Variants in GLIS3 observed in about 807,000 individuals in gnomAD.
The protein encoded by GLIS3 is zinc finger protein GLIS3.
Under a neutral mutation model 78.6 loss-of-function variants are expected in GLIS3, and 53 were observed. The ratio of observed to expected loss-of-function variants is 0.67; its 90% CI spans 0.54 to 0.85. GLIS3 has a LOEUF of 0.85. Ranked by LOEUF, GLIS3 falls within the 40% of genes least tolerant of loss-of-function variation. GLIS3 has a pLI of 0.00. For synonymous variants in GLIS3, 684 were observed against 509.9 expected, an observed-to-expected ratio of 1.34 and a Z score of -4.60; for missense variants, 1,703 against 1,231.1, an observed-to-expected ratio of 1.38 and a Z score of -5.74.
At chr9:3,968,622 G>A (rs961193170) in intron 4 of GLIS3, among the ~76,000 whole-genome samples, 1 of 151,768 alleles carries the variant, frequency 6.6e-6, no homozygotes, top group African/African-American at 2.4e-5. Flanking sequence ...CCTTTATAAT[G>A]TTATTCTTGC....
At chr9:4,353,232 C>T (rs1297852708), upstream of GLIS3, among the ~76,000 whole-genome samples, 5 of 152,198 alleles carry the variant, frequency 3.3e-5, no homozygotes, top group Non-Finnish European at 7.3e-5. Context: ...CTGTACCCTA[C>T]CAGCCAGGCA....
chr9:4,360,877 G>C, the GLIS3 span, among the ~76,000 whole-genome samples: 2 of 152,176 alleles, frequency 1.3e-5, no homozygotes, highest in African/African-American at 2.4e-5. Flanking sequence ...GGAGGAGCTG[G>C]CTGCTCAGGG....
At chr9:4,354,391 C>G in the GLIS3 span, among the ~76,000 whole-genome samples, 1 of 152,076 alleles carries the variant, frequency 6.6e-6, no homozygotes, top group Non-Finnish European at 1.5e-5. Context: ...GCATGGGGTC[C>G]CTAGCCAGAG....
the GLIS3 span, among the ~76,000 whole-genome samples, chr9:4,475,095 G>A: frequency 4.7e-5 from 7 of 149,806 alleles, no homozygotes; most frequent in African/African-American, 1.5e-4. Context: ...CTGGGTTCAG[G>A]TGATTCCCCT....
chr9:4,139,429 G>A (rs1022074530), intron 2 of GLIS3, among the ~76,000 whole-genome samples: 3 of 152,224 alleles, frequency 2.0e-5, no homozygotes, highest in African/African-American at 7.2e-5. Flanking sequence ...ATGTGTGTAA[G>A]TCATGATGCT....
In GLIS3 at chr9:3,977,919, T is replaced by G. The variant is rs1818921346; in HGVS notation, c.1711-40730A>C. 6.6e-6 allele frequency among the ~76,000 whole-genome samples: 1 copy of G among 152,218 alleles called. No individual in the cohort carries two copies. The highest frequency in any genetic ancestry group is 1.5e-5 in the Non-Finnish European group (1 of 68,040). On this transcript the variant is annotated intron_variant, in intron 4 of 10. Coordinates refer to ENST00000381971, the MANE Select transcript of GLIS3 (RefSeq NM_001042413.2). The surrounding 1 kb of genome is among the most constrained non-coding windows in gnomAD (Gnocchi z 4.1). ...ATGAAATGCTGCTAACTTTTATTTG[T>G]GAGTGTGAAATGGTAATATTTCATG...
chr9:4,000,341 GA>G (rs955145131), intron 4 of GLIS3, among the ~76,000 whole-genome samples: 23 of 152,150 alleles, frequency 1.5e-4, no homozygotes, highest in African/African-American at 5.1e-4. Flanking sequence ...GGAAAAGCAA[GA>G]AAATTCTTAA....
At chr9:3,902,536 T>TAAAGA (rs1419346007) in intron 6 of GLIS3, among the ~76,000 whole-genome samples, 1 of 152,206 alleles carries the variant, frequency 6.6e-6, no homozygotes, top group South Asian at 2.1e-4. Flanking sequence ...CAGGAATAGT[T>TAAAGA]AAAGAAGATA....
intron 9 of GLIS3, among the ~76,000 whole-genome samples, chr9:3,831,958 T>A (rs1650814074): frequency 6.7e-6 from 1 of 149,814 alleles, no homozygotes; most frequent in African/African-American, 2.4e-5. Flanking sequence ...CTTTGGGTAT[T>A]TTTTTTTTGC....
the GLIS3 span, among the ~76,000 whole-genome samples, chr9:4,430,227 T>C: frequency 2.6e-5 from 4 of 152,246 alleles, no homozygotes; most frequent in African/African-American, 9.6e-5. Context: ...TGTCTAATTC[T>C]AGCTCCAACT....
chr9:4,338,740 G>A (rs941083231), intron 2 of GLIS3, among the ~76,000 whole-genome samples: 1 of 152,176 alleles, frequency 6.6e-6, no homozygotes, highest in Admixed American at 6.5e-5. Flanking sequence ...AGAAGGAGCT[G>A]CAAGTAGAAA....
intron 4 of GLIS3, among the ~76,000 whole-genome samples, chr9:4,080,754 AG>A (rs2130696801): frequency 1.3e-5 from 2 of 152,290 alleles, no homozygotes; most frequent in South Asian, 4.2e-4. Context: ...AGAGAAGTCT[AG>A]GGGCATTAAA....
At chr9:4,123,655 G>GA (rs1832353290) in intron 3 of GLIS3, 1 of 388,674 alleles carries the variant, frequency 2.6e-6, no homozygotes, top group Non-Finnish European at 4.5e-6. Context: ...ATATTAACTG[G>GA]AAAAAAGTAA....
At chr9:4,324,742 A>T (rs1817578285) in intron 2 of GLIS3, among the ~76,000 whole-genome samples, 1 of 152,204 alleles carries the variant, frequency 6.6e-6, no homozygotes, top group African/African-American at 2.4e-5. Context: ...TTTTCTGTAA[A>T]TCACTTGATT....
chr9:4,073,358 A>C (rs1469936776), intron 4 of GLIS3, among the ~76,000 whole-genome samples: 1 of 152,206 alleles, frequency 6.6e-6, no homozygotes, highest in Admixed American at 6.5e-5. Flanking sequence ...CAGGTCTCAC[A>C]GCACACCTTT....
At chr9:3,873,207 G>A (rs768802351) in intron 8 of GLIS3, among the ~76,000 whole-genome samples, 17 of 152,202 alleles carry the variant, frequency 1.1e-4, no homozygotes, top group Admixed American at 4.6e-4. Flanking sequence ...AATTGAAGAG[G>A]GAATTCTCCC....
intron 4 of GLIS3, among the ~76,000 whole-genome samples, chr9:4,087,464 G>A (rs116028396): frequency 0.027 from 4,064 of 152,166 alleles, 154 homozygotes; most frequent in African/African-American, 0.093. Flanking sequence ...AAAACAATCG[G>A]CAATTTCCTG....
intron 2 of GLIS3, among the ~76,000 whole-genome samples, chr9:4,180,777 A>G (rs1817250538): frequency 6.6e-6 from 1 of 152,196 alleles, no homozygotes; most frequent in African/African-American, 2.4e-5. Context: ...TAAGTCCACC[A>G]CCATCCCAAA....
intron 4 of GLIS3, among the ~76,000 whole-genome samples, chr9:4,041,583 G>C (rs892748357): frequency 6.6e-6 from 1 of 152,116 alleles, no homozygotes; most frequent in Middle Eastern, 3.2e-3. Context: ...TTCATAAAAC[G>C]GTGCTTCGTT....
Sources: allele counts gnomAD v4.1 joint callset (sites outside exome capture counted in the v4.1 genomes callset), GRCh38; gene constraint gnomAD v4.1.1; non-coding constraint Gnocchi (gnomAD v3.1); transcripts MANE v1.5; gene names NCBI Gene and HGNC (gene_info 2026-07-23, HGNC 2026-07-21).